AADACL2: variants seen among roughly 807,000 people sequenced by gnomAD.
AADACL2 encodes arylacetamide deacetylase-like 2.
AADACL2 carries 23 observed loss-of-function variants against 22.3 expected under a neutral mutation model. The ratio of observed to expected loss-of-function variants is 1.03; its 90% CI spans 0.74 to 1.46. AADACL2 has a LOEUF of 1.46. Ranked by LOEUF, AADACL2 falls within the 40% of genes most tolerant of loss-of-function variation. The pLI is 0.00. For missense variants in AADACL2, 472 were observed against 482.9 expected (o/e 0.98, Z 0.21); for synonymous variants, 177 against 166.2 (o/e 1.07, Z -0.50).
At chr3:151,740,308 C>CT (rs1713236200) in intron 1 of AADACL2, among the ~76,000 whole-genome samples, 1 of 152,216 alleles carries the variant, frequency 6.6e-6, no homozygotes, top group African/African-American at 2.4e-5. Flanking sequence ...TCTGTTCGCC[C>CT]TCTGTGGGCT....
intron 4 of AADACL2, among the ~76,000 whole-genome samples, chr3:151,751,764 C>A (rs933478055): frequency 7.2e-5 from 11 of 151,800 alleles, no homozygotes; most frequent in African/African-American, 2.7e-4. Flanking sequence ...TATGTGATAC[C>A]CTACCTTATA....
intron 1 of AADACL2, among the ~76,000 whole-genome samples, chr3:151,740,046 A>G (rs1054121913): frequency 6.6e-6 from 1 of 152,162 alleles, no homozygotes; most frequent in African/African-American, 2.4e-5. Flanking sequence ...AGTTCCAAGC[A>G]CCACTGGGGT....
At chr3:151,750,639 T>C (rs1271610016) in intron 4 of AADACL2, among the ~76,000 whole-genome samples, 1 of 152,166 alleles carries the variant, frequency 6.6e-6, no homozygotes, top group Non-Finnish European at 1.5e-5. Flanking sequence ...ACTTTAGTTA[T>C]AAAAACTTGA....
intron 1 of AADACL2, among the ~76,000 whole-genome samples, chr3:151,739,195 T>G (rs963942324): frequency 6.6e-6 from 1 of 152,190 alleles, no homozygotes; most frequent in African/African-American, 2.4e-5. Context: ...GGGTCCTTTT[T>G]GTTGATGTTG....
rs192144305 is a variant in AADACL2 at position 151,737,712 on chromosome 3, G to T, written c.139-2934G>T. ...GTTGCCTTGGTACCTTTACCATTGT[G>T]TAATGTCCTTCTTTGTCTTTGATCT... On this transcript the variant is annotated intron_variant, in intron 1 of 4. Transcript: ENST00000356517. 9.5e-3 allele frequency among the ~76,000 whole-genome samples: 1,443 copies of T among 152,240 alleles called. 18 individuals carry two copies. The highest frequency in any genetic ancestry group is 0.015 in the Non-Finnish European group (1,046 of 67,998).
intron 4 of AADACL2, among the ~76,000 whole-genome samples, chr3:151,747,618 TTGTGTGTGTG>T (rs149912523): frequency 2.0e-5 from 3 of 148,322 alleles, no homozygotes; most frequent in Non-Finnish European, 3.0e-5. Context: ...TTGTGTGTGT[TTGTGTGTGTG>T]TGTGTGTGTG....
chr3:151,745,264 C>T (rs1713400839), intron 3 of AADACL2, among the ~76,000 whole-genome samples: 1 of 152,070 alleles, frequency 6.6e-6, no homozygotes, highest in Non-Finnish European at 1.5e-5. Flanking sequence ...CTTACAATTC[C>T]TAGGAAGTTC....
intron 2 of AADACL2, among the ~76,000 whole-genome samples, chr3:151,742,481 G>C (rs1360590547): frequency 6.6e-6 from 1 of 152,126 alleles, no homozygotes; most frequent in African/African-American, 2.4e-5. Flanking sequence ...AGGATTGGGA[G>C]ATAAAAATGA....
At position 151,738,638 on chromosome 3, in the gene AADACL2, C is replaced by T. The variant is rs559888010; in HGVS notation, c.139-2008C>T. Among the ~76,000 whole-genome samples the T allele has an allele frequency of 2.6e-5, 4 of 152,290 alleles. 1 individual carries two copies. Among genetic ancestry groups the T allele is most frequent in the East Asian group, 3.9e-4 (2 of 5,178 alleles). On this transcript the variant is annotated intron_variant, in intron 1 of 4. Coordinates refer to ENST00000356517, the MANE Select transcript of AADACL2 (RefSeq NM_207365.4). ...GTCACTTTCAGGTACACCAATCTAA[C>T]GTAGGTTTGGTCTTTTCACATAGTT...
intron 4 of AADACL2, among the ~76,000 whole-genome samples, chr3:151,756,696 A>C (rs933771879): frequency 1.3e-5 from 2 of 150,582 alleles, no homozygotes; most frequent in Non-Finnish European, 3.0e-5. Context: ...TGACCAAAAA[A>C]TCCTGTGTAT....
chr3:151,747,674 C>G (rs1420463994), intron 4 of AADACL2, among the ~76,000 whole-genome samples: 1 of 151,340 alleles, frequency 6.6e-6, no homozygotes, highest in Non-Finnish European at 1.5e-5. Context: ...TTTTCTTTAT[C>G]CATTTATCCG....
intron 4 of AADACL2, among the ~76,000 whole-genome samples, chr3:151,750,214 G>A (rs1217931368): frequency 6.6e-6 from 1 of 152,168 alleles, no homozygotes; most frequent in Non-Finnish European, 1.5e-5. Context: ...TTAATGTGCT[G>A]TTGAATTCGG....
chr3:151,745,659 A>T lies in AADACL2; in HGVS notation c.582A>T (p.Leu194Phe), dbSNP rs1354377918. ...CIAGDSSGGN[L>F]ATAVTQQVQN... ...CGGGAGACAGTTCTGGGGGCAATTT[A>T]GCAACAGCGGTCACTCAACAGGTAC... Residue 194 changes from leucine (L) to phenylalanine (F), a missense_variant, in exon 4 of 5, where the codon TTA becomes TTT. By Grantham distance (22) the Leu-to-Phe change is conservative. This residue lies in a region of AADACL2 where 356 missense variants were observed against 365.5 expected (regional missense o/e 0.97). Coordinates refer to ENST00000356517, the MANE Select transcript of AADACL2 (RefSeq NM_207365.4). The T allele has an allele frequency of 6.2e-7, 1 of 1,610,818 alleles. No individual in the cohort carries two copies. Among genetic ancestry groups the T allele is most frequent in the South Asian group, 1.1e-5 (1 of 90,180 alleles).
At chr3:151,742,779 G>A (rs1211116908) in intron 2 of AADACL2, among the ~76,000 whole-genome samples, 1 of 152,096 alleles carries the variant, frequency 6.6e-6, no homozygotes, top group African/African-American at 2.4e-5. Flanking sequence ...GCTTGAAAGC[G>A]GTATCTAACA....
chr3:151,743,940 C>T (rs572791952), intron 2 of AADACL2, among the ~76,000 whole-genome samples, 153 bp from the exon 3 acceptor site: 2 of 151,860 alleles, frequency 1.3e-5, no homozygotes, highest in African/African-American at 2.4e-5. Flanking sequence ...GAGTGTGCCA[C>T]GTGGATTCAG....
At chr3:151,753,917 G>A (rs981618978) in intron 4 of AADACL2, among the ~76,000 whole-genome samples, 2 of 152,126 alleles carry the variant, frequency 1.3e-5, no homozygotes, top group Non-Finnish European at 2.9e-5. Flanking sequence ...CTTGGCAGCG[G>A]AAACCATTAT....
Position 151,757,141 on chromosome 3 carries a change from C to CTTA in AADACL2, c.755_757dup (p.Leu252dup). 2.5e-6 allele frequency: 4 copies of CTTA among 1,613,146 alleles called. No homozygotes were observed. Among genetic ancestry groups the CTTA allele is most frequent in the Non-Finnish European group, 3.4e-6 (4 of 1,179,612 alleles). On this transcript the variant is annotated inframe_insertion, in exon 5 of 5. Coordinates refer to ENST00000356517, the MANE Select transcript of AADACL2 (RefSeq NM_207365.4). ...GGGATGTAGCCATAAAACTCGTGAG[C>CTTA]TTATATTTCACCAAGGATGAAGCAC...
In AADACL2 at chr3:151,757,135, C is replaced by A. The variant is rs760473210; in HGVS notation, c.747C>A (p.Leu249=). 1 of 1,613,154 alleles carries A rather than the reference C, an allele frequency of 6.2e-7. No homozygotes were observed. The highest frequency in any genetic ancestry group is 2.2e-5 in the East Asian group (1 of 44,824). ...TGACCAGGGATGTAGCCATAAAACTCGTGAGCTTATATTTCACCAAGGATG... is the reference window on the plus strand; with the variant it reads ...TGACCAGGGATGTAGCCATAAAACTAGTGAGCTTATATTTCACCAAGGATG... The part of the protein sequence containing the change: ...IVLTRDVAIK[L]VSLYFTKDEA... The change falls in exon 5 of 5, where the codon CTC becomes CTA. Residue 249 remains leucine (L), a synonymous_variant. Transcript: ENST00000356517.
chr3:151,752,388 C>T (rs182591852), intron 4 of AADACL2, among the ~76,000 whole-genome samples: 1 of 152,198 alleles, frequency 6.6e-6, no homozygotes, highest in African/African-American at 2.4e-5. Flanking sequence ...TGGACTTGGT[C>T]CACTTTTCAA....
Sources: gnomAD v4.1 joint callset for allele counts (sites outside exome capture counted in the v4.1 genomes callset) on GRCh38, gnomAD v4.1.1 for gene constraint, gnomAD v4.1.1 regional missense constraint, MANE v1.5 for transcripts, NCBI Gene and HGNC (gene_info 2026-07-23, HGNC 2026-07-21) for gene names.